Variants in NOS1 observed in about 807,000 individuals in gnomAD.
NOS1 encodes the protein nitric oxide synthase 1.
Under a neutral mutation model 164.5 loss-of-function variants are expected in NOS1, and 51 were observed. The observed-to-expected ratio is 0.31, with a 90% CI of 0.25 to 0.39. The LOEUF is 0.39. Among genes scored for constraint, NOS1 ranks in the 10% least tolerant of loss-of-function variants. The probability of loss-of-function intolerance (pLI) is 1.00; values close to 1 mark genes in which losing one functional copy is unlikely to be tolerated. For missense variants in NOS1, 1,362 were observed against 1,885.6 expected (o/e 0.72, Z 5.14); for synonymous variants, 719 against 745.8 (o/e 0.96, Z 0.59).
intron 1 of NOS1, among the ~76,000 whole-genome samples, chr12:117,334,054 G>A (rs1054129251): frequency 3.3e-5 from 5 of 152,228 alleles, no homozygotes; most frequent in African/African-American, 1.2e-4. Flanking sequence ...TCTGGCTTGG[G>A]CCAGACCTTA....
chr12:117,216,087 AGGCT>A (rs1279477318), intron 28 of NOS1, among the ~76,000 whole-genome samples: 1 of 151,714 alleles, frequency 6.6e-6, no homozygotes, highest in Non-Finnish European at 1.5e-5. Flanking sequence ...CATGTTGCCC[AGGCT>A]GGTCTTGAAC....
chr12:117,257,143 G>T (rs940663172), intron 16 of NOS1, among the ~76,000 whole-genome samples: 1 of 152,128 alleles, frequency 6.6e-6, no homozygotes, highest in Admixed American at 6.5e-5. Flanking sequence ...GGGTGCCGTG[G>T]TATAATTATG....
At chr12:117,327,143 G>C (rs1447827371) in intron 2 of NOS1, among the ~76,000 whole-genome samples, 1 of 152,186 alleles carries the variant, frequency 6.6e-6, no homozygotes, top group Non-Finnish European at 1.5e-5. Flanking sequence ...ATGGATATTA[G>C]ATACGGCTGG....
In NOS1 at chr12:117,295,818, G is replaced by A. The variant is rs564498502; in HGVS notation, c.853-5392C>T. Among the ~76,000 whole-genome samples, 4 of 150,380 alleles carry A rather than the reference G, an allele frequency of 2.7e-5. No homozygotes were observed. The South Asian group carries it at 6.3e-4, about 24-fold the overall frequency. On this transcript the variant is annotated intron_variant, in intron 3 of 28. Coordinates refer to ENST00000317775, the MANE Select transcript of NOS1 (RefSeq NM_000620.5). ...TATTTTTTTTTTTTTTAGTAGAGAC[G>A]AGGTTTCACCATGTTGGCCAGGCTG...
intron 3 of NOS1, among the ~76,000 whole-genome samples, chr12:117,299,514 C>G (rs914791026): frequency 6.6e-6 from 1 of 151,850 alleles, no homozygotes; most frequent in East Asian, 1.9e-4. Context: ...TGGCGGGCGC[C>G]TGTAGTCCCA....
chr12:117,275,016 TAA>T (rs990615648), intron 9 of NOS1, among the ~76,000 whole-genome samples: 2 of 152,010 alleles, frequency 1.3e-5, no homozygotes, highest in Non-Finnish European at 2.9e-5. Context: ...CAAAATAACT[TAA>T]AGAGTGTAAT....
At chr12:117,259,741 T>C (rs950158929) in intron 14 of NOS1, among the ~76,000 whole-genome samples, 6 of 152,164 alleles carry the variant, frequency 3.9e-5, no homozygotes, top group Admixed American at 6.5e-5. Context: ...TTGGGAAACG[T>C]CTATATTCTA....
intron 1 of NOS1, among the ~76,000 whole-genome samples, chr12:117,357,738 C>A (rs143714279): frequency 6.6e-6 from 1 of 152,216 alleles, no homozygotes; most frequent in Non-Finnish European, 1.5e-5. Flanking sequence ...TGCTTTTAAC[C>A]AGGGACTTGC....
chr12:117,347,517 T>C (rs1186972378), intron 1 of NOS1, among the ~76,000 whole-genome samples: 1 of 152,166 alleles, frequency 6.6e-6, no homozygotes, highest in Non-Finnish European at 1.5e-5. Flanking sequence ...CCGTCATTCA[T>C]TTGTTTCTTG....
chr12:117,311,550 C>A lies in NOS1; in HGVS notation c.768G>T (p.Val256=). Residue 256 remains valine, a synonymous_variant, in exon 3 of 29, where the codon GTG becomes GTT. Coordinates refer to ENST00000317775, the MANE Select transcript of NOS1 (RefSeq NM_000620.5). ...GKSHKPLPLG[V]ENDRVFNDLW... is the part of the protein sequence containing the mutation. ...GGTCATTGAAGACTCGGTCGTTCTCCACGCCGAGGGGCAGAGGTTTGTGTG... is the reference window on the plus strand; with the variant it reads ...GGTCATTGAAGACTCGGTCGTTCTCAACGCCGAGGGGCAGAGGTTTGTGTG... 6.2e-7 allele frequency: 1 copy of A among 1,613,108 alleles called. No homozygotes were observed. The highest frequency in any genetic ancestry group is 8.5e-7 in the Non-Finnish European group (1 of 1,179,584).
At chr12:117,308,324 T>G (rs1182331338) in intron 3 of NOS1, among the ~76,000 whole-genome samples, 1 of 152,066 alleles carries the variant, frequency 6.6e-6, no homozygotes, top group Non-Finnish European at 1.5e-5. Flanking sequence ...CTGGGCAACA[T>G]AGCAAGATCC....
chr12:117,267,545 C>T (rs1472742932), intron 11 of NOS1, among the ~76,000 whole-genome samples: 1 of 151,334 alleles, frequency 6.6e-6, no homozygotes, highest in African/African-American at 2.4e-5. Context: ...CGAGATTGTG[C>T]CACTGCACTC....
rs77516025 is a variant in NOS1, at chr12:117,304,259, A to G, written c.852+7207T>C. 7.9e-3 allele frequency among the ~76,000 whole-genome samples: 1,196 copies of G among 152,238 alleles called. 18 individuals carry two copies. The highest frequency in any genetic ancestry group is 0.027 in the African/African-American group (1,134 of 41,538). ...AGAGAACTAATAATGATCCTTAGCGAAAAAAATAAAAAGCAACATATCAGC... is the reference window on the plus strand; with the variant it reads ...AGAGAACTAATAATGATCCTTAGCGGAAAAAATAAAAAGCAACATATCAGC... On this transcript the variant is annotated intron_variant, in intron 3 of 28. Transcript: ENST00000317775.
intron 1 of NOS1, among the ~76,000 whole-genome samples, chr12:117,340,687 TC>T (rs1029879847): frequency 1.3e-5 from 2 of 151,370 alleles, no homozygotes; most frequent in Non-Finnish European, 3.0e-5. Flanking sequence ...CCGCCACCAC[TC>T]CTGGCTAATT....
In NOS1 at chr12:117,234,536, G is replaced by A. The variant is rs778590915; in HGVS notation, c.3235+29C>T. On this transcript the variant is annotated intron_variant, in intron 21 of 28. Coordinates refer to ENST00000317775, the MANE Select transcript of NOS1 (RefSeq NM_000620.5). The surrounding 1 kb of genome is among the most constrained non-coding windows in gnomAD (Gnocchi z 4.3). ...CACCCACTGCCTCTGCAGCTCCCTA[G>A]AGCAGGGAAGGGTCCCCGGGAATGT... is the stretch of plus-strand genomic sequence containing the variant. 6 of 1,596,938 alleles carry A rather than the reference G, an allele frequency of 3.8e-6. No individual in the cohort carries two copies. The South Asian group carries it at 5.6e-5, about 15-fold the overall frequency.
chr12:117,281,769 G>T (rs1459394586), intron 7 of NOS1, among the ~76,000 whole-genome samples: 1 of 144,126 alleles, frequency 6.9e-6, no homozygotes, highest in Non-Finnish European at 1.5e-5. Context: ...GGTAGAGGTT[G>T]CAGTGAGCCG....
chr12:117,211,868 C>A lies in NOS1; in HGVS notation c.*3441G>T. ...TCATTTGAGGTCAGGAATTCAAGACCAGCCTGGCCAACATGGTGAAACCCT... is the reference window on the plus strand; with the variant it reads ...TCATTTGAGGTCAGGAATTCAAGACAAGCCTGGCCAACATGGTGAAACCCT... On this transcript the variant is annotated 3_prime_UTR_variant, in exon 29 of 29. Coordinates refer to ENST00000317775, the MANE Select transcript of NOS1 (RefSeq NM_000620.5). 1 of 897,124 alleles carries A rather than the reference C, an allele frequency of 1.1e-6. No individual in the cohort carries two copies. Among genetic ancestry groups the A allele is most frequent in the Non-Finnish European group, 1.3e-6 (1 of 749,748 alleles). The allele number at this position is 897,124 out of a possible 1,614,324, so 55.6% of individuals were successfully genotyped here. A position where few individuals can be genotyped will look rare whatever the true frequency, so the allele number is the denominator to read the frequency against.
chr12:117,283,475 C>G (rs80003337), intron 7 of NOS1, among the ~76,000 whole-genome samples: 2,347 of 152,142 alleles, frequency 0.015, 59 homozygotes, highest in African/African-American at 0.053. Context: ...TCACAAAGAC[C>G]CCTTAATACA....
At chr12:117,254,383 AG>A in intron 16 of NOS1, among the ~76,000 whole-genome samples, 1 of 152,346 alleles carries the variant, frequency 6.6e-6, no homozygotes, top group Non-Finnish European at 1.5e-5. Flanking sequence ...CTGGGATTAC[AG>A]GTGTGAGCCA....
Sources: gnomAD v4.1 joint callset for allele counts (sites outside exome capture counted in the v4.1 genomes callset) on GRCh38, gnomAD v4.1.1 for gene constraint, Gnocchi (gnomAD v3.1) non-coding constraint, MANE v1.5 for transcripts, NCBI Gene and HGNC (gene_info 2026-07-23, HGNC 2026-07-21) for gene names.